DNAH7: variants seen among roughly 807,000 people sequenced by gnomAD.
DNAH7 encodes the protein dynein axonemal heavy chain 7.
DNAH7 carries 397 observed loss-of-function variants against 444.6 expected under a neutral mutation model. The ratio of observed to expected loss-of-function variants is 0.89; its 90% CI spans 0.82 to 0.97. The LOEUF is 0.97. DNAH7 is among the 50% of genes least tolerant of loss of function. DNAH7 has a pLI of 0.00. For synonymous variants in DNAH7, 1,636 were observed against 1,624.4 expected (o/e 1.01, Z -0.17); for missense variants, 4,902 against 4,800.8 (o/e 1.02, Z -0.62).
chr2:195,876,397 C>T, intron 37 of DNAH7, 147 bp downstream of exon 37: 1 of 735,424 alleles, frequency 1.4e-6, no homozygotes, highest in South Asian at 2.1e-5. Flanking sequence ...ACAAATGTAA[C>T]TACATTTTTA....
intron 47 of DNAH7, among the ~76,000 whole-genome samples, chr2:195,842,499 T>A (rs1698746261): frequency 6.6e-6 from 1 of 152,122 alleles, no homozygotes; most frequent in Non-Finnish European, 1.5e-5. Flanking sequence ...ACTTAGCTGA[T>A]ACTTCAAAGT....
chr2:195,768,726 T>C lies in DNAH7; in HGVS notation c.11433+2934A>G, dbSNP rs115574590. On this transcript the variant is annotated intron_variant, in intron 61 of 64. Coordinates refer to ENST00000312428, the MANE Select transcript of DNAH7 (RefSeq NM_018897.3). ...AATATTTGCTGGAATCCTGGGTAAA[T>C]TAAAATTGAGTCCTTCTATAATTGC... 9.2e-3 allele frequency among the ~76,000 whole-genome samples: 1,406 copies of C among 152,282 alleles called. 21 individuals carry two copies. The highest frequency in any genetic ancestry group is 0.032 in the African/African-American group (1,332 of 41,568).
At chr2:196,065,391 A>C (rs1192032805) in intron 1 of DNAH7, among the ~76,000 whole-genome samples, 1 of 152,216 alleles carries the variant, frequency 6.6e-6, no homozygotes, top group Non-Finnish European at 1.5e-5. Context: ...GGAACTCAAC[A>C]ACTGTTAATC....
At chr2:195,796,535 C>A in intron 56 of DNAH7, 41 bp downstream of exon 56, 1 of 1,603,656 alleles carries the variant, frequency 6.2e-7, no homozygotes, top group East Asian at 2.2e-5. Context: ...CTAATTAGAT[C>A]CAGGGAATGC....
rs779223980 is a variant in DNAH7 at position 195,884,789 on chromosome 2, C to T, written c.5559G>A (p.Leu1853=). 3 of 1,612,390 alleles carry T rather than the reference C, an allele frequency of 1.9e-6. No individual in the cohort carries two copies. The South Asian group carries it at 3.3e-5, about 18-fold the overall frequency. Residue 1853 remains leucine, a synonymous_variant, in exon 35 of 65, where the codon TTG becomes TTA. Transcript: ENST00000312428. ...TACAAGAAGCACCAACGGACCAGATCAATGAAAACAGAAAAATGCCCTGCA... is the reference window on the plus strand; with the variant it reads ...TACAAGAAGCACCAACGGACCAGATTAATGAAAACAGAAAAATGCCCTGCA... ...SLLEGIFLFS[L]IWSVGASCTD... is the part of the protein sequence containing the mutation.
chr2:196,049,089 G>A (rs528869178), intron 3 of DNAH7, among the ~76,000 whole-genome samples: 6 of 152,162 alleles, frequency 3.9e-5, no homozygotes, highest in South Asian at 2.1e-4. Flanking sequence ...CCAGACAGTC[G>A]GATTTTAAAG....
At chr2:196,051,968 T>C (rs1273609296) in intron 2 of DNAH7, among the ~76,000 whole-genome samples, 1 of 152,230 alleles carries the variant, frequency 6.6e-6, no homozygotes, top group Non-Finnish European at 1.5e-5. Flanking sequence ...CCCTAGTCTG[T>C]ACGTAAGTCC....
At chr2:195,946,051 G>T (rs953663940) in intron 19 of DNAH7, among the ~76,000 whole-genome samples, 1 of 152,100 alleles carries the variant, frequency 6.6e-6, no homozygotes, top group Non-Finnish European at 1.5e-5. Flanking sequence ...TCAGTCACCC[G>T]GTGTGCTGAA....
chr2:195,875,756 G>A lies in DNAH7; in HGVS notation c.6205C>T (p.His2069Tyr). The A allele has an allele frequency of 6.2e-7, 1 of 1,613,760 alleles. No individual in the cohort carries two copies. Among genetic ancestry groups the A allele is most frequent in the Non-Finnish European group, 8.5e-7 (1 of 1,179,866 alleles). Residue 2069 changes from histidine to tyrosine, a missense_variant, in exon 38 of 65, where the codon CAC (histidine) becomes TAC (tyrosine). Physicochemically the swap from His to Tyr is moderately conservative, Grantham distance 83. Transcript: ENST00000312428. ...PIELLRQWLDHWNWYDLKDCS... is the reference protein window; with the variant it reads ...PIELLRQWLDYWNWYDLKDCS... ...TCTTTTAGATCATACCAGTTCCAGT[G>A]GTCTAACCACTGTCTAAGTAACTCA... is the stretch of plus-strand genomic sequence containing the variant.
At chr2:195,810,966 G>A (rs1696942329) in intron 51 of DNAH7, among the ~76,000 whole-genome samples, 1 of 152,088 alleles carries the variant, frequency 6.6e-6, no homozygotes, top group Admixed American at 6.6e-5. Context: ...AAAATTTTCT[G>A]CACTTTAAAA....
intron 15 of DNAH7, among the ~76,000 whole-genome samples, chr2:195,984,358 A>AT (rs558821102): frequency 1.1e-3 from 173 of 151,686 alleles, no homozygotes; most frequent in Non-Finnish European, 2.1e-3. Context: ...TTATTTATTT[A>AT]TTTTTTTTGA....
intron 39 of DNAH7, 74 bp downstream of exon 39, chr2:195,873,494 C>T: frequency 2.1e-6 from 2 of 935,400 alleles, no homozygotes; most frequent in Non-Finnish European, 1.5e-6. Flanking sequence ...TTGAAATACG[C>T]TACTTAATAT....
chr2:195,984,374 A>G (rs897903369), intron 15 of DNAH7, among the ~76,000 whole-genome samples: 4 of 151,970 alleles, frequency 2.6e-5, no homozygotes, highest in South Asian at 4.1e-4. Flanking sequence ...TTTGAGACAG[A>G]GTATTGCTGT....
chr2:195,745,400 A>G (rs532614073), intron 63 of DNAH7, among the ~76,000 whole-genome samples: 17 of 152,362 alleles, frequency 1.1e-4, no homozygotes, highest in African/African-American at 2.2e-4. Context: ...GAAAGTGACG[A>G]GGAGAATGGA....
intron 63 of DNAH7, among the ~76,000 whole-genome samples, chr2:195,751,671 G>C (rs976739876): frequency 6.6e-6 from 1 of 152,182 alleles, no homozygotes; most frequent in Non-Finnish European, 1.5e-5. Context: ...AAAAGAACAT[G>C]AGCCGTTCTA....
intron 19 of DNAH7, among the ~76,000 whole-genome samples, chr2:195,951,607 A>G (rs893126195): frequency 2.0e-5 from 3 of 152,078 alleles, no homozygotes; most frequent in African/African-American, 7.2e-5. Context: ...TTGCTTTATG[A>G]ATCTGGGTGC....
chr2:196,040,256 C>T (rs1384452302), intron 5 of DNAH7, among the ~76,000 whole-genome samples: 1 of 152,056 alleles, frequency 6.6e-6, no homozygotes, highest in Non-Finnish European at 1.5e-5. Context: ...AAACCAGATA[C>T]AGATACAACA....
chr2:195,932,861 G>T (rs1013173979), intron 21 of DNAH7, among the ~76,000 whole-genome samples: 28 of 152,152 alleles, frequency 1.8e-4, no homozygotes, highest in Admixed American at 6.6e-4. Flanking sequence ...GTTCATCAGG[G>T]ATATTGGTCT....
chr2:196,027,914 G>T (rs1559349121), intron 6 of DNAH7, 46 bp downstream of exon 6: 1 of 1,556,626 alleles, frequency 6.4e-7, no homozygotes. Flanking sequence ...ATCTTCAAGT[G>T]TTTCTTTCCT....
Sources: allele counts gnomAD v4.1 joint callset (sites outside exome capture counted in the v4.1 genomes callset), GRCh38; gene constraint gnomAD v4.1.1; transcripts MANE v1.5; gene names NCBI Gene and HGNC (gene_info 2026-07-23, HGNC 2026-07-21).